BMERB1: variants seen among roughly 807,000 people sequenced by gnomAD.
BMERB1 encodes bMERB domain-containing protein 1.
Under a neutral mutation model 23.6 loss-of-function variants are expected in BMERB1, and 12 were observed. That is an observed-to-expected ratio of 0.51 (90% CI 0.33 to 0.82). BMERB1 has a LOEUF of 0.82. BMERB1 is among the 40% of genes least tolerant of loss of function. BMERB1 has a pLI of 0.03. For synonymous variants in BMERB1, 122 were observed against 96.6 expected, an observed-to-expected ratio of 1.26 and a Z score of -1.54; for missense variants, 247 against 255.4, an observed-to-expected ratio of 0.97 and a Z score of 0.22.
At chr16:15,586,305 T>C (rs2031139247) in intron 5 of BMERB1, among the ~76,000 whole-genome samples, 1 of 152,180 alleles carries the variant, frequency 6.6e-6, no homozygotes, top group South Asian at 2.1e-4. Flanking sequence ...TGGAGGTATC[T>C]GAAAAGACAA....
At chr16:15,562,003 A>G (rs551465736) in intron 2 of BMERB1, among the ~76,000 whole-genome samples, 34 of 152,194 alleles carry the variant, frequency 2.2e-4, no homozygotes, top group African/African-American at 8.2e-4. Context: ...TAGTACTGCC[A>G]TTATTCCTAT....
chr16:15,526,340 T>A (rs1257902049), intron 2 of BMERB1, among the ~76,000 whole-genome samples: 1 of 152,006 alleles, frequency 6.6e-6, no homozygotes, highest in Admixed American at 6.6e-5. Flanking sequence ...AAACAAGATG[T>A]TGAGCAACAG....
chr16:15,469,776 G>A (rs1042542635), intron 1 of BMERB1, among the ~76,000 whole-genome samples: 10 of 152,010 alleles, frequency 6.6e-5, no homozygotes, highest in African/African-American at 1.9e-4. Flanking sequence ...CTTTAATTTT[G>A]GTTTCCACAT....
chr16:15,453,432 C>G (rs1186091270), intron 1 of BMERB1, among the ~76,000 whole-genome samples: 1 of 151,938 alleles, frequency 6.6e-6, no homozygotes, highest in Non-Finnish European at 1.5e-5. Context: ...AAAATAATTA[C>G]CTGGGTGTGG....
chr16:15,533,400 T>TTTC (rs1302225491), intron 2 of BMERB1, among the ~76,000 whole-genome samples: 1 of 151,880 alleles, frequency 6.6e-6, no homozygotes, highest in African/African-American at 2.4e-5. Flanking sequence ...TCTTTCTTTT[T>TTTC]TTTTTTTTTT....
intron 1 of BMERB1, among the ~76,000 whole-genome samples, chr16:15,485,710 A>C (rs992332733): frequency 2.0e-5 from 3 of 151,058 alleles, no homozygotes; most frequent in Admixed American, 6.6e-5. Context: ...TTTCCCCCCC[A>C]GGCCAAAAAA....
intron 1 of BMERB1, among the ~76,000 whole-genome samples, chr16:15,501,256 A>C (rs900567230): frequency 6.7e-6 from 1 of 149,548 alleles, no homozygotes; most frequent in Non-Finnish European, 1.5e-5. Flanking sequence ...CTGAGACTAC[A>C]GGCATGTGCC....
chr16:15,470,589 G>A (rs1006315447), intron 1 of BMERB1, among the ~76,000 whole-genome samples: 5 of 150,756 alleles, frequency 3.3e-5, no homozygotes, highest in South Asian at 2.1e-4. Context: ...GCAGTGGCGC[G>A]ATCTCAGCTC....
chr16:15,533,033 G>T, intron 2 of BMERB1: 2 of 455,778 alleles, frequency 4.4e-6, no homozygotes, highest in South Asian at 3.1e-5. Flanking sequence ...AGCCTCGGTG[G>T]CCTCATCTGT....
At chr16:15,557,324 A>G (rs868171838) in intron 2 of BMERB1, among the ~76,000 whole-genome samples, 1 of 150,692 alleles carries the variant, frequency 6.6e-6, no homozygotes, top group African/African-American at 2.4e-5. Flanking sequence ...CCCTAATGGT[A>G]CAGAGACCTG....
intron 3 of BMERB1, among the ~76,000 whole-genome samples, chr16:15,573,255 A>G (rs899021807): frequency 7.2e-5 from 11 of 152,184 alleles, no homozygotes; most frequent in Non-Finnish European, 1.6e-4. Context: ...TGTTCTGTCC[A>G]ACAGGTTCAC....
intron 2 of BMERB1, among the ~76,000 whole-genome samples, chr16:15,532,043 G>A (rs2051972826): frequency 6.6e-6 from 1 of 152,122 alleles, no homozygotes; most frequent in Admixed American, 6.5e-5. Context: ...CATATTTCAT[G>A]TTATGTAATT....
intron 2 of BMERB1, among the ~76,000 whole-genome samples, chr16:15,530,357 T>G (rs1216009904): frequency 6.6e-6 from 1 of 152,194 alleles, no homozygotes; most frequent in African/African-American, 2.4e-5. Flanking sequence ...CCCAGGATGA[T>G]CTCCCCATCT....
At chr16:15,450,969 G>A (rs1372703353) in intron 1 of BMERB1, among the ~76,000 whole-genome samples, 2 of 152,102 alleles carry the variant, frequency 1.3e-5, no homozygotes, top group East Asian at 3.9e-4. Context: ...ACACACAAGA[G>A]ACAGGATTAT....
intron 2 of BMERB1, among the ~76,000 whole-genome samples, chr16:15,565,858 CAA>C (rs2030548932): frequency 6.6e-6 from 1 of 152,122 alleles, no homozygotes. Flanking sequence ...AAAAACAAAA[CAA>C]GAACAACAAA....
chr16:15,446,309 C>T (rs1172729131), intron 1 of BMERB1, among the ~76,000 whole-genome samples: 1 of 152,066 alleles, frequency 6.6e-6, no homozygotes, highest in Admixed American at 6.6e-5. Flanking sequence ...GTGGGAGAAT[C>T]TCTTGAGCCC....
chr16:15,516,331 G>C (rs1015595020), intron 2 of BMERB1, among the ~76,000 whole-genome samples: 2 of 152,068 alleles, frequency 1.3e-5, no homozygotes, highest in Non-Finnish European at 2.9e-5. Context: ...GAGGTGGGGG[G>C]ATCGGTTTAG....
intron 2 of BMERB1, among the ~76,000 whole-genome samples, chr16:15,567,364 G>C (rs1452237174): frequency 6.6e-6 from 1 of 152,098 alleles, no homozygotes; most frequent in South Asian, 2.1e-4. Flanking sequence ...GCTGAAAAAC[G>C]AAACTGAATA....
At chr16:15,557,956 A>T (rs2030309971) in intron 2 of BMERB1, among the ~76,000 whole-genome samples, 1 of 152,040 alleles carries the variant, frequency 6.6e-6, no homozygotes, top group African/African-American at 2.4e-5. Flanking sequence ...GAGGCAGAGA[A>T]TGGCTTCAAC....
Sources: allele counts gnomAD v4.1 joint callset (sites outside exome capture counted in the v4.1 genomes callset), GRCh38; gene constraint gnomAD v4.1.1; transcripts MANE v1.5; gene names NCBI Gene and HGNC (gene_info 2026-07-23, HGNC 2026-07-21).